The following TMEM108 variants were observed in gnomAD, a reference collection of about 807,000 sequenced individuals.
TMEM108 encodes cancer/testis antigen 124.
In TMEM108, 12 loss-of-function variants were observed where a neutral mutation model predicts 35.1. That is an observed-to-expected ratio of 0.34 (90% confidence interval 0.22 to 0.55). TMEM108 has a LOEUF of 0.55. TMEM108 is among the 20% of genes least tolerant of loss of function. The pLI is 0.89. For missense variants in TMEM108, 680 were observed against 753.3 expected (o/e 0.90, Z 1.14); for synonymous variants, 287 against 308.6 (o/e 0.93, Z 0.73).
intron 1 of TMEM108, among the ~76,000 whole-genome samples, chr3:133,039,396 C>T (rs1943246721): frequency 6.6e-6 from 1 of 152,154 alleles, no homozygotes; most frequent in African/African-American, 2.4e-5. Flanking sequence ...CCTACTCACA[C>T]GTCCTTAATT....
intron 2 of TMEM108, among the ~76,000 whole-genome samples, chr3:133,167,686 G>A (rs977374710): frequency 1.3e-5 from 2 of 152,240 alleles, no homozygotes; most frequent in Non-Finnish European, 2.9e-5. Context: ...ACCGCTCGGA[G>A]TGTGGGGCCC....
At chr3:133,053,176 C>G (rs1943427392) in intron 2 of TMEM108, among the ~76,000 whole-genome samples, 1 of 152,150 alleles carries the variant, frequency 6.6e-6, no homozygotes, top group Non-Finnish European at 1.5e-5. Flanking sequence ...AGGGGGTTGT[C>G]TGTGCCACAG....
chr3:133,127,029 C>T (rs940461557), intron 2 of TMEM108, among the ~76,000 whole-genome samples: 4 of 151,964 alleles, frequency 2.6e-5, no homozygotes, highest in South Asian at 2.1e-4. Flanking sequence ...TTTTAAAATA[C>T]GAAGTCTTGA....
chr3:133,172,932 G>A lies in TMEM108; in HGVS notation c.-46-56334G>A, dbSNP rs142611264. 1.8e-3 allele frequency among the ~76,000 whole-genome samples: 271 copies of A among 152,240 alleles called. 1 individual carries two copies. Among genetic ancestry groups the A allele is most frequent in the African/African-American group, 6.0e-3 (251 of 41,558 alleles). ...TTCCCTCCACAAGCTCTCTCTCTTT[G>A]CCTGCTGCTATTCAGGTAAGACGTG... is the stretch of plus-strand genomic sequence containing the variant. On this transcript the variant is annotated intron_variant, in intron 2 of 5. Transcript: ENST00000321871.
chr3:133,127,660 C>T (rs1452416905), intron 2 of TMEM108, among the ~76,000 whole-genome samples: 2 of 152,204 alleles, frequency 1.3e-5, no homozygotes, highest in Non-Finnish European at 2.9e-5. Flanking sequence ...CTCTTGTCTT[C>T]CACTCCAGGC....
rs567282241 is a variant in TMEM108, at chr3:133,396,008, C to T, written c.*22C>T. 2.0e-6 allele frequency: 3 copies of T among 1,503,694 alleles called. No individual in the cohort carries two copies. In the South Asian group the frequency reaches 4.4e-5, roughly 22 times the overall value. The allele number at this position is 1,503,694 out of a possible 1,614,324, so 93.1% of individuals were successfully genotyped here. A position where few individuals can be genotyped will look rare whatever the true frequency, so the allele number is the denominator to read the frequency against. ...CTAACTACAGCAGGCATCACTTTGCCATTCCGTATTTTTCGTCTCTAAATT... is the reference window on the plus strand; with the variant it reads ...CTAACTACAGCAGGCATCACTTTGCTATTCCGTATTTTTCGTCTCTAAATT... On this transcript the variant is annotated 3_prime_UTR_variant, in exon 6 of 6. Coordinates refer to ENST00000321871, the MANE Select transcript of TMEM108 (RefSeq NM_023943.4).
intron 3 of TMEM108, among the ~76,000 whole-genome samples, chr3:133,339,276 TC>T: frequency 6.6e-6 from 1 of 151,758 alleles, no homozygotes; most frequent in East Asian, 1.9e-4. Flanking sequence ...AAAAAGATCT[TC>T]CATGCCAATG....
intron 2 of TMEM108, among the ~76,000 whole-genome samples, chr3:133,064,759 G>A (rs1943575451): frequency 6.6e-6 from 1 of 151,520 alleles, no homozygotes; most frequent in African/African-American, 2.4e-5. Flanking sequence ...GGTTCCAAAG[G>A]TAGATTGAAG....
intron 3 of TMEM108, among the ~76,000 whole-genome samples, chr3:133,297,937 C>A (rs537490516): frequency 2.6e-5 from 4 of 152,152 alleles, no homozygotes; most frequent in Non-Finnish European, 5.9e-5. Flanking sequence ...ATTGGAGATA[C>A]TTATTTCACT....
At chr3:133,310,061 G>A (rs2071103965) in intron 3 of TMEM108, among the ~76,000 whole-genome samples, 1 of 152,118 alleles carries the variant, frequency 6.6e-6, no homozygotes. Flanking sequence ...GAGACAGTTT[G>A]TTGTGATTTC....
At chr3:133,273,999 G>T (rs2107683875) in intron 3 of TMEM108, among the ~76,000 whole-genome samples, 1 of 152,326 alleles carries the variant, frequency 6.6e-6, no homozygotes, top group African/African-American at 2.4e-5. Flanking sequence ...AGAAACTGTG[G>T]CTGAGAGAGG....
chr3:133,097,257 G>A (rs1201576343), intron 2 of TMEM108, among the ~76,000 whole-genome samples: 2 of 152,198 alleles, frequency 1.3e-5, no homozygotes, highest in South Asian at 4.1e-4. Flanking sequence ...TTCTTTGGAG[G>A]TTAATGAATT....
chr3:133,131,495 T>TA (rs1944490096), intron 2 of TMEM108, among the ~76,000 whole-genome samples: 1 of 148,572 alleles, frequency 6.7e-6, no homozygotes, highest in Non-Finnish European at 1.5e-5. Context: ...TGATCAGTGA[T>TA]CTTTGATGTT....
intron 2 of TMEM108, among the ~76,000 whole-genome samples, chr3:133,205,434 G>C (rs1945738450): frequency 6.6e-6 from 1 of 152,136 alleles, no homozygotes; most frequent in Admixed American, 6.6e-5. Flanking sequence ...TTTTGGAGTG[G>C]CTGGTACTGG....
Position 133,310,530 on chromosome 3 carries a change from C to CTTTTTTTTTTTTTTTTTTTTTTTT in TMEM108, c.41-69216_41-69193dup, listed in dbSNP as rs59215786. 9.0e-5 allele frequency among the ~76,000 whole-genome samples: 2 copies of CTTTTTTTTTTTTTTTTTTTTTTTT among 22,250 alleles called. 1 individual carries two copies. Among genetic ancestry groups the CTTTTTTTTTTTTTTTTTTTTTTTT allele is most frequent in the African/African-American group, 3.0e-4 (2 of 6,576 alleles). 14.6% of individuals were successfully genotyped at this position (22,250 alleles called of 152,430 possible). A position where few individuals can be genotyped will look rare whatever the true frequency, so the allele number is the denominator to read the frequency against. On this transcript the variant is annotated intron_variant, in intron 3 of 5. Coordinates refer to ENST00000321871, the MANE Select transcript of TMEM108 (RefSeq NM_023943.4). ...TCAGAGACTAGGATTGCAACCCCTG[C>CTTTTTTTTTTTTTTTTTTTTTTTT]TTTTTTTTTTTTTTTTTTTTTTTTT... is the stretch of plus-strand genomic sequence containing the variant.
In TMEM108 at chr3:133,230,363, T is replaced by C. The variant is rs139176672; in HGVS notation, c.40+1012T>C. Among the ~76,000 whole-genome samples, 779 of 152,336 alleles carry C rather than the reference T, an allele frequency of 5.1e-3. 6 individuals are homozygous for C. Among genetic ancestry groups the C allele is most frequent in the Admixed American group, 9.5e-3 (145 of 15,302 alleles). On this transcript the variant is annotated intron_variant, in intron 3 of 5. Coordinates refer to ENST00000321871, the MANE Select transcript of TMEM108 (RefSeq NM_023943.4). Reference sequence around the variant, plus strand: ...TAATTGACTCATTTCTTCTGCTGAATTCTAATCCCTAAAACACATATCACG... The same window carrying C: ...TAATTGACTCATTTCTTCTGCTGAACTCTAATCCCTAAAACACATATCACG...
chr3:133,275,558 A>G (rs1004168561), intron 3 of TMEM108, among the ~76,000 whole-genome samples: 29 of 152,298 alleles, frequency 1.9e-4, no homozygotes, highest in African/African-American at 7.0e-4. Flanking sequence ...TTTTCTGGCT[A>G]TTAATTTTTT....
chr3:133,377,692 G>A (rs1187655849), intron 3 of TMEM108, among the ~76,000 whole-genome samples: 2 of 152,188 alleles, frequency 1.3e-5, no homozygotes, highest in Admixed American at 6.5e-5. Flanking sequence ...GTCGGTGTGT[G>A]GTCTAGATCA....
chr3:133,341,258 C>T (rs1326314342), intron 3 of TMEM108, among the ~76,000 whole-genome samples: 1 of 151,754 alleles, frequency 6.6e-6, no homozygotes, highest in Non-Finnish European at 1.5e-5. Flanking sequence ...TTCTGTATGC[C>T]AGCAGTGAAT....
Sources: gnomAD v4.1 joint callset for allele counts (sites outside exome capture counted in the v4.1 genomes callset) on GRCh38, gnomAD v4.1.1 for gene constraint, MANE v1.5 for transcripts, NCBI Gene and HGNC (gene_info 2026-07-23, HGNC 2026-07-21) for gene names.